VAT1L: variants seen among roughly 807,000 people sequenced by gnomAD.
The protein encoded by VAT1L is vesicle amine transport 1 like.
In VAT1L, 34 loss-of-function variants were observed where a neutral mutation model predicts 44.1. The observed-to-expected ratio is 0.77, with a 90% CI of 0.59 to 1.03. VAT1L has a LOEUF of 1.03. Ranked by LOEUF, VAT1L falls within the 50% of genes least tolerant of loss-of-function variation. The probability of loss-of-function intolerance (pLI) is 0.00; values close to 1 mark genes in which losing one functional copy is unlikely to be tolerated. For missense variants in VAT1L, 615 were observed against 538.8 expected (o/e 1.14, Z -1.40); for synonymous variants, 253 against 202.2 (o/e 1.25, Z -2.13).
intron 7 of VAT1L, among the ~76,000 whole-genome samples, chr16:77,949,756 G>T (rs1284745277): frequency 6.6e-6 from 1 of 152,174 alleles, no homozygotes; most frequent in Non-Finnish European, 1.5e-5. Flanking sequence ...CCACAGTCAT[G>T]GACCAAATAA....
At chr16:77,808,613 G>A (rs1207016231) in intron 1 of VAT1L, among the ~76,000 whole-genome samples, 1 of 151,446 alleles carries the variant, frequency 6.6e-6, no homozygotes, top group East Asian at 1.9e-4. Flanking sequence ...TGTTTTTTTT[G>A]AATCAGAGTT....
At chr16:77,954,097 G>A (rs186524517) in intron 7 of VAT1L, among the ~76,000 whole-genome samples, 108 of 152,148 alleles carry the variant, frequency 7.1e-4, no homozygotes, top group African/African-American at 2.5e-3. Context: ...TCTTTTGAGC[G>A]GCCACATGGA....
chr16:77,942,584 T>C (rs2017901915), intron 7 of VAT1L, among the ~76,000 whole-genome samples: 1 of 152,192 alleles, frequency 6.6e-6, no homozygotes, highest in Admixed American at 6.5e-5. Flanking sequence ...AACAGAAATC[T>C]TGCATCCATA....
At chr16:77,896,945 A>G (rs2017330963) in intron 7 of VAT1L, among the ~76,000 whole-genome samples, 2 of 152,270 alleles carry the variant, frequency 1.3e-5, no homozygotes, top group Non-Finnish European at 2.9e-5. Flanking sequence ...GACACAGACC[A>G]GGATTCTGCT....
chr16:77,845,851 C>T (rs1415933715), intron 3 of VAT1L, among the ~76,000 whole-genome samples: 1 of 152,196 alleles, frequency 6.6e-6, no homozygotes, highest in Non-Finnish European at 1.5e-5. Context: ...TCTAATATTA[C>T]CCTTATTAGA....
chr16:77,824,199 T>A (rs182614771), intron 2 of VAT1L, among the ~76,000 whole-genome samples: 111 of 152,294 alleles, frequency 7.3e-4, no homozygotes, highest in Non-Finnish European at 1.3e-3. Context: ...GGGCTCTGCA[T>A]TGTTTTGCTA....
intron 3 of VAT1L, among the ~76,000 whole-genome samples, chr16:77,860,153 C>T (rs960300046): frequency 2.0e-5 from 3 of 152,180 alleles, no homozygotes; most frequent in Non-Finnish European, 4.4e-5. Flanking sequence ...AAGGAACCAA[C>T]CCTGCCAACA....
chr16:77,818,358 A>G (rs1567476040), intron 2 of VAT1L, among the ~76,000 whole-genome samples: 2 of 152,112 alleles, frequency 1.3e-5, no homozygotes, highest in East Asian at 1.9e-4. Flanking sequence ...CAGATAAGAC[A>G]GCAGATAAAT....
intron 7 of VAT1L, among the ~76,000 whole-genome samples, chr16:77,890,879 G>A (rs942012054): frequency 8.7e-5 from 13 of 149,334 alleles, no homozygotes; most frequent in Non-Finnish European, 1.6e-4. Flanking sequence ...AGCTGAGATC[G>A]TACCACTGCA....
intron 6 of VAT1L, chr16:77,882,002 A>T (rs2017160023): frequency 6.6e-6 from 1 of 152,264 alleles, no homozygotes; most frequent in Non-Finnish European, 1.5e-5. Context: ...ATGCACAGCC[A>T]GGATGGGGAT....
At chr16:77,910,113 C>T (rs2017482792) in intron 7 of VAT1L, among the ~76,000 whole-genome samples, 1 of 152,172 alleles carries the variant, frequency 6.6e-6, no homozygotes, top group Non-Finnish European at 1.5e-5. Context: ...GAATTATTCT[C>T]ATAAGGGAAA....
At chr16:77,914,882 T>C (rs1387032983) in intron 7 of VAT1L, among the ~76,000 whole-genome samples, 1 of 152,172 alleles carries the variant, frequency 6.6e-6, no homozygotes, top group African/African-American at 2.4e-5. Flanking sequence ...TCCCAGCACT[T>C]TGGGAGACTA....
At chr16:77,841,529 G>A (rs1203797990) in intron 3 of VAT1L, among the ~76,000 whole-genome samples, 1 of 152,278 alleles carries the variant, frequency 6.6e-6, no homozygotes, top group African/African-American at 2.4e-5. Flanking sequence ...CACTGGAAGC[G>A]TAAATTACTA....
At chr16:77,911,407 C>A (rs745589461) in intron 7 of VAT1L, among the ~76,000 whole-genome samples, 7 of 152,138 alleles carry the variant, frequency 4.6e-5, no homozygotes, top group Non-Finnish European at 7.3e-5. Context: ...ACTAAGGATT[C>A]AGTACTTCTC....
chr16:77,878,300 C>CCCAG (rs1031908283), intron 5 of VAT1L, among the ~76,000 whole-genome samples: 28 of 152,252 alleles, frequency 1.8e-4, no homozygotes, highest in Admixed American at 7.2e-4. Context: ...TACTAGTTTA[C>CCCAG]CCAGGCTAAA....
intron 3 of VAT1L, among the ~76,000 whole-genome samples, chr16:77,859,028 T>C (rs1037954326): frequency 6.6e-6 from 1 of 151,218 alleles, no homozygotes; most frequent in Admixed American, 6.6e-5. Flanking sequence ...CCAGCTACCC[T>C]GGAGGCTGAG....
intron 4 of VAT1L, among the ~76,000 whole-genome samples, chr16:77,868,609 G>A (rs956097618): frequency 7.2e-5 from 11 of 152,216 alleles, no homozygotes; most frequent in Non-Finnish European, 1.0e-4. Context: ...CCAGGTGGCT[G>A]TAGTGCCAGA....
At chr16:77,873,995 C>T (rs1480602369) in intron 4 of VAT1L, among the ~76,000 whole-genome samples, 2 of 151,988 alleles carry the variant, frequency 1.3e-5, no homozygotes, top group African/African-American at 4.8e-5. Flanking sequence ...AACCAGAGTC[C>T]AGCGGACAGA....
intron 7 of VAT1L, among the ~76,000 whole-genome samples, chr16:77,890,206 T>C (rs1051219981): frequency 2.0e-5 from 3 of 151,782 alleles, no homozygotes; most frequent in African/African-American, 4.8e-5. Context: ...CAGAAATAGA[T>C]ATGACAAGCA....
Sources: allele counts gnomAD v4.1 joint callset (sites outside exome capture counted in the v4.1 genomes callset), GRCh38; gene constraint gnomAD v4.1.1; transcripts MANE v1.5; gene names NCBI Gene and HGNC (gene_info 2026-07-23, HGNC 2026-07-21).